The following IL18R1 variants were observed in gnomAD, a reference collection of about 807,000 sequenced individuals.
IL18R1 encodes interleukin-18 receptor 1.
IL18R1 carries 40 observed loss-of-function variants against 48.5 expected under a neutral mutation model. That is an observed-to-expected ratio of 0.82 (90% CI 0.64 to 1.07). The LOEUF (loss-of-function observed/expected upper bound fraction) is 1.07, where lower values mean the gene tolerates loss of function less well. Ranked by LOEUF, IL18R1 falls within the 50% of genes least tolerant of loss-of-function variation. The probability of loss-of-function intolerance (pLI) is 0.00; values close to 1 mark genes in which losing one functional copy is unlikely to be tolerated. For missense variants in IL18R1, 596 were observed against 633.7 expected, an observed-to-expected ratio of 0.94 and a Z score of 0.64; for synonymous variants, 232 against 225.9, an observed-to-expected ratio of 1.03 and a Z score of -0.24.
At chr2:102,365,964 A>G (rs559871325) in intron 2 of IL18R1, among the ~76,000 whole-genome samples, 24 of 151,898 alleles carry the variant, frequency 1.6e-4, no homozygotes, top group Non-Finnish European at 2.9e-4. Flanking sequence ...CCAGGAAATC[A>G]TTTTTTCCTC....
rs527567618 is a variant in IL18R1 at position 102,357,503 on chromosome 2, GA to G, written c.-29+1111del. 5.1e-3 allele frequency among the ~76,000 whole-genome samples: 711 copies of G among 140,788 alleles called. 6 individuals carry two copies. The highest frequency in any genetic ancestry group is 6.2e-3 in the Non-Finnish European group (399 of 64,574). The allele number at this position is 140,788 out of a possible 152,430, so 92.4% of individuals were successfully genotyped here. A position where few individuals can be genotyped will look rare whatever the true frequency, so the allele number is the denominator to read the frequency against. On this transcript the variant is annotated intron_variant, in intron 1 of 10. Coordinates refer to ENST00000233957, the MANE Select transcript of IL18R1 (RefSeq NM_003855.5). The stretch of plus-strand genomic sequence containing the variant: ...GAGACTCTATCTCAAAAAAAAAAAA[GA>G]AAAAAAAGAAAAGGCAGGGTCCCTG...
intron 1 of IL18R1, among the ~76,000 whole-genome samples, chr2:102,362,095 A>G (rs1446216550): frequency 6.6e-6 from 1 of 152,246 alleles, no homozygotes; most frequent in Admixed American, 6.5e-5. Flanking sequence ...GATACAGTGA[A>G]GAGCAAAATA....
chr2:102,358,106 T>C (rs974044133), intron 1 of IL18R1, among the ~76,000 whole-genome samples: 1 of 152,220 alleles, frequency 6.6e-6, no homozygotes, highest in Admixed American at 6.5e-5. Context: ...GGCATCTACA[T>C]TGATTCATGT....
At chr2:102,366,186 A>T (rs1336992898) in intron 2 of IL18R1, among the ~76,000 whole-genome samples, 1 of 152,106 alleles carries the variant, frequency 6.6e-6, no homozygotes, top group East Asian at 1.9e-4. Context: ...CCAAACTCTT[A>T]TGCTCTGTCA....
Position 102,396,882 on chromosome 2 carries a change from C to A in IL18R1, c.1622C>A (p.Ser541Tyr). 6.4e-7 allele frequency: 1 copy of A among 1,570,700 alleles called. No homozygotes were observed. The highest frequency in any genetic ancestry group is 8.6e-7 in the Non-Finnish European group (1 of 1,161,940). Residue 541 changes from serine (S) to tyrosine (Y), a missense_variant, in exon 11 of 11, where the codon TCT (serine) becomes TAT (tyrosine). By Grantham distance (144) the Ser-to-Tyr change is moderately radical (BLOSUM62 -2). Coordinates refer to ENST00000233957, the MANE Select transcript of IL18R1 (RefSeq NM_003855.5). ...GAAGTCTTGCCTGTTCTTTCCGAGTCTTAATCTTCAGAAACAGTGAACGCC... is the reference window on the plus strand; with the variant it reads ...GAAGTCTTGCCTGTTCTTTCCGAGTATTAATCTTCAGAAACAGTGAACGCC... The part of the protein sequence containing the change: ...EPEVLPVLSE[S>Y]
At chr2:102,371,522 A>G (rs759719225) in intron 3 of IL18R1, among the ~76,000 whole-genome samples, 6 of 152,142 alleles carry the variant, frequency 3.9e-5, no homozygotes, top group African/African-American at 9.7e-5. Flanking sequence ...CCTAATATAT[A>G]TATACACACA....
intron 1 of IL18R1, among the ~76,000 whole-genome samples, chr2:102,358,394 A>C (rs1678379058): frequency 1.3e-5 from 2 of 152,082 alleles, no homozygotes; most frequent in Admixed American, 1.3e-4. Context: ...CCTTAAGCCT[A>C]GGTCACCCAA....
At chr2:102,392,337 G>A (rs1680600917) in intron 9 of IL18R1, among the ~76,000 whole-genome samples, 1 of 152,150 alleles carries the variant, frequency 6.6e-6, no homozygotes, top group South Asian at 2.1e-4. Flanking sequence ...TGTTTGCATA[G>A]GCCAGTGTTT....
chr2:102,385,070 T>C, intron 7 of IL18R1, 72 bp downstream of exon 7: 1 of 761,934 alleles, frequency 1.3e-6, no homozygotes, highest in Non-Finnish European at 2.0e-6. Flanking sequence ...TAACATCATA[T>C]TAAAAACACT....
Position 102,375,951 on chromosome 2 carries a change from AAAG to A in IL18R1, c.519_521del (p.Lys173del), listed in dbSNP as rs1413771881. 6.2e-7 allele frequency: 1 copy of A among 1,604,012 alleles called. No homozygotes were observed. Among genetic ancestry groups the A allele is most frequent in the South Asian group, 1.1e-5 (1 of 88,092 alleles). ...TGGAGAACAATAAAAACCCAACGAT[AAAG>A]AAGAACGCCGAGTTTGAAGATCAGG... On this transcript the variant is annotated inframe_deletion, in exon 5 of 11. Transcript: ENST00000233957.
chr2:102,364,067 AG>A (rs1031126297), intron 2 of IL18R1, among the ~76,000 whole-genome samples: 17 of 152,138 alleles, frequency 1.1e-4, no homozygotes, highest in Non-Finnish European at 2.1e-4. Context: ...CTGCCTGAGG[AG>A]GGGGGTGGTG....
rs1332962265 is a variant in IL18R1 at position 102,397,929 on chromosome 2, G to A, written c.*1043G>A. The A allele has an allele frequency of 1.3e-5, 2 of 152,072 alleles. No individual in the cohort carries two copies. The highest frequency in any genetic ancestry group is 2.9e-5 in the Non-Finnish European group (2 of 68,016). The allele number at this position is 152,072 out of a possible 1,614,324, so 9.4% of individuals were successfully genotyped here. The stretch of plus-strand genomic sequence containing the variant: ...TTATAATAATTGCACCTACCTCCCA[G>A]GGGTAACTAAATGAATAAATATAAT... On this transcript the variant is annotated 3_prime_UTR_variant, in exon 11 of 11. Coordinates refer to ENST00000233957, the MANE Select transcript of IL18R1 (RefSeq NM_003855.5).
At position 102,356,350 on chromosome 2, in the gene IL18R1, T is replaced by C. The variant is rs1185609525; in HGVS notation, c.-79T>C. On this transcript the variant is annotated 5_prime_UTR_variant, in exon 1 of 11. Transcript: ENST00000233957. Reference sequence around the variant, plus strand: ...TGGCCTCCGCAGTCGCGACCTGGCGTGAAGGAGGAGCTGCCGCCCCCGCCC... The same window carrying C: ...TGGCCTCCGCAGTCGCGACCTGGCGCGAAGGAGGAGCTGCCGCCCCCGCCC... 4 of 985,192 alleles carry C rather than the reference T, an allele frequency of 4.1e-6. No homozygotes were observed. The highest frequency in any genetic ancestry group is 4.8e-6 in the Non-Finnish European group (4 of 829,902). The allele number at this position is 985,192 out of a possible 1,614,324, so 61.0% of individuals were successfully genotyped here. A position where few individuals can be genotyped will look rare whatever the true frequency, so the allele number is the denominator to read the frequency against.
At chr2:102,358,397 T>G (rs775594549) in intron 1 of IL18R1, among the ~76,000 whole-genome samples, 12 of 152,108 alleles carry the variant, frequency 7.9e-5, no homozygotes, top group Non-Finnish European at 1.6e-4. Flanking sequence ...TAAGCCTAGG[T>G]CACCCAATTT....
Position 102,396,424 on chromosome 2 carries a change from T to C in IL18R1, c.1271-107T>C, listed in dbSNP as rs193132459. On this transcript the variant is annotated intron_variant, in intron 10 of 10. Transcript: ENST00000233957. ...TGGTTTGTCTTAAAGAAAAACTTATTAGTGAGGTTAGGAGTTAATATAAAA... is the reference window on the plus strand; with the variant it reads ...TGGTTTGTCTTAAAGAAAAACTTATCAGTGAGGTTAGGAGTTAATATAAAA... 2.7e-4 allele frequency: 158 copies of C among 592,220 alleles called. No individual in the cohort carries two copies. The African/African-American group carries it at 2.8e-3, about 11-fold the overall frequency. 36.7% of individuals were successfully genotyped at this position (592,220 alleles called of 1,614,324 possible).
At chr2:102,392,328 G>C (rs958536912) in intron 9 of IL18R1, among the ~76,000 whole-genome samples, 1 of 152,180 alleles carries the variant, frequency 6.6e-6, no homozygotes, top group African/African-American at 2.4e-5. Context: ...AATGGTCTCT[G>C]TTTGCATAGG....
chr2:102,378,686 C>T (rs1001855541), intron 5 of IL18R1, among the ~76,000 whole-genome samples: 1 of 152,208 alleles, frequency 6.6e-6, no homozygotes, highest in Non-Finnish European at 1.5e-5. Context: ...TTCTGTTCCT[C>T]ATCTTTGCAT....
Position 102,356,333 on chromosome 2 carries a change from G to A in IL18R1, c.-96G>A, listed in dbSNP as rs1394062329. 3.5e-5 allele frequency: 34 copies of A among 984,498 alleles called. No homozygotes were observed. The highest frequency in any genetic ancestry group is 4.0e-5 in the Non-Finnish European group (33 of 829,844). 61.0% of individuals were successfully genotyped at this position (984,498 alleles called of 1,614,324 possible). On this transcript the variant is annotated 5_prime_UTR_variant, in exon 1 of 11. Coordinates refer to ENST00000233957, the MANE Select transcript of IL18R1 (RefSeq NM_003855.5). ...CACCTACTTTCTGAACTTGGCCTCC[G>A]CAGTCGCGACCTGGCGTGAAGGAGG...
At position 102,384,905 on chromosome 2, in the gene IL18R1, C is replaced by T. The variant is rs1680137348; in HGVS notation, c.716C>T (p.Ala239Val). The T allele has an allele frequency of 1.2e-6, 2 of 1,611,238 alleles. No homozygotes were observed. Among genetic ancestry groups the T allele is most frequent in the Non-Finnish European group, 1.7e-6 (2 of 1,177,846 alleles). ...AAAAACGTAAGGCTCAACTGCTCTG[C>T]TTTGCTGAATGAAGAGGATGTAATT... ...LGKNVRLNCS[A>V]LLNEEDVIYW... The change falls in exon 7 of 11, where the codon GCT (alanine) becomes GTT (valine). Residue 239 changes from alanine to valine, a missense_variant. Ala to Val is a moderately conservative substitution (Grantham distance 64). Coordinates refer to ENST00000233957, the MANE Select transcript of IL18R1 (RefSeq NM_003855.5).
Sources: gnomAD v4.1 joint callset for allele counts (sites outside exome capture counted in the v4.1 genomes callset) on GRCh38, gnomAD v4.1.1 for gene constraint, MANE v1.5 for transcripts, NCBI Gene and HGNC (gene_info 2026-07-23, HGNC 2026-07-21) for gene names.